ZCWPW2: variants seen among roughly 807,000 people sequenced by gnomAD.
The protein encoded by ZCWPW2 is zinc finger CW-type PWWP domain protein 2.
In ZCWPW2, 45 loss-of-function variants were observed where a neutral mutation model predicts 46.6. That is an observed-to-expected ratio of 0.96 (90% CI 0.76 to 1.24). The LOEUF is 1.24. Ranked by LOEUF, ZCWPW2 falls within the 50% of genes most tolerant of loss-of-function variation. ZCWPW2 has a pLI of 0.00. For missense variants in ZCWPW2, 429 were observed against 403.9 expected (o/e 1.06, Z -0.53); for synonymous variants, 152 against 137.1 (o/e 1.11, Z -0.76).
At chr3:28,360,943 A>G (rs1327677104) in intron 1 of ZCWPW2, among the ~76,000 whole-genome samples, 1 of 152,176 alleles carries the variant, frequency 6.6e-6, no homozygotes, top group Non-Finnish European at 1.5e-5. Flanking sequence ...CAGGAAAGTT[A>G]TTTATGTTTC....
chr3:28,353,231 A>G (rs1428095097), intron 1 of ZCWPW2, among the ~76,000 whole-genome samples: 4 of 152,192 alleles, frequency 2.6e-5, no homozygotes, highest in East Asian at 3.9e-4. Flanking sequence ...ATAATTTGTT[A>G]TATGTTTAAT....
intron 2 of ZCWPW2, among the ~76,000 whole-genome samples, chr3:28,397,190 T>G (rs1226580628): frequency 6.6e-6 from 1 of 152,180 alleles, no homozygotes; most frequent in Non-Finnish European, 1.5e-5. Flanking sequence ...TTTACCTTTT[T>G]GGGTACATCA....
At chr3:28,467,539 G>C (rs1698873225) in intron 4 of ZCWPW2, among the ~76,000 whole-genome samples, 1 of 152,178 alleles carries the variant, frequency 6.6e-6, no homozygotes, top group Non-Finnish European at 1.5e-5. Flanking sequence ...CCTTGGGTGA[G>C]ACCCAGTACT....
In ZCWPW2 at chr3:28,417,207, C is replaced by G. The variant is rs1164092834; in HGVS notation, c.332+3807C>G. 4.6e-5 allele frequency among the ~76,000 whole-genome samples: 7 copies of G among 152,054 alleles called. 1 individual carries two copies. Among genetic ancestry groups the G allele is most frequent in the Admixed American group, 4.6e-4 (7 of 15,240 alleles). ...TATCACCACTGATCCCACAGAAATA[C>G]AAACTACCATCAGAGAATACTATAA... On this transcript the variant is annotated intron_variant, in intron 3 of 9. Coordinates refer to ENST00000383768, the MANE Select transcript of ZCWPW2 (RefSeq NM_001040432.4).
At chr3:28,389,958 A>T (rs1695421252) in intron 1 of ZCWPW2, among the ~76,000 whole-genome samples, 1 of 152,250 alleles carries the variant, frequency 6.6e-6, no homozygotes, top group Non-Finnish European at 1.5e-5. Flanking sequence ...CTCAAAGTTC[A>T]TCAATTTTAG....
intron 4 of ZCWPW2, among the ~76,000 whole-genome samples, chr3:28,439,307 A>C (rs1315259632): frequency 6.6e-6 from 1 of 152,032 alleles, no homozygotes; most frequent in Non-Finnish European, 1.5e-5. Context: ...AAGGGCAGGA[A>C]GCATCCAGCA....
rs534874293 is a variant in ZCWPW2, at chr3:28,386,709, G to T, written c.-133-3789G>T. Among the ~76,000 whole-genome samples the T allele has an allele frequency of 2.6e-5, 4 of 152,076 alleles. 1 individual carries two copies. Among genetic ancestry groups the T allele is most frequent in the African/African-American group, 7.2e-5 (3 of 41,492 alleles). On this transcript the variant is annotated intron_variant, in intron 1 of 9. Coordinates refer to ENST00000383768, the MANE Select transcript of ZCWPW2 (RefSeq NM_001040432.4). ...TATATTTCTATTTTTATGAGTTAAGGTTATATGATTATAGATATTCTAAAA... is the reference window on the plus strand; with the variant it reads ...TATATTTCTATTTTTATGAGTTAAGTTTATATGATTATAGATATTCTAAAA...
At chr3:28,424,090 T>C (rs1696906310) in intron 3 of ZCWPW2, among the ~76,000 whole-genome samples, 1 of 152,086 alleles carries the variant, frequency 6.6e-6, no homozygotes, top group Non-Finnish European at 1.5e-5. Flanking sequence ...CCTTACTATT[T>C]TACATTGCGT....
intron 1 of ZCWPW2, among the ~76,000 whole-genome samples, chr3:28,375,525 G>A (rs901608269): frequency 1.3e-5 from 2 of 151,804 alleles, no homozygotes; most frequent in African/African-American, 2.4e-5. Flanking sequence ...GGGTACATAG[G>A]TATATATATT....
rs1700820314 is a variant in ZCWPW2 at position 28,525,291 on chromosome 3, T to C, written c.*603T>C. On this transcript the variant is annotated 3_prime_UTR_variant, in exon 10 of 10. Transcript: ENST00000383768. ...TTGGAAGATCAAAATCCTGGACCCT[T>C]CCCTGCTGAATCAGTGTCTTTGGAG... 6.6e-6 allele frequency: 1 copy of C among 152,184 alleles called. No homozygotes were observed. Among genetic ancestry groups the C allele is most frequent in the Non-Finnish European group, 1.5e-5 (1 of 68,070 alleles). 9.4% of individuals were successfully genotyped at this position (152,184 alleles called of 1,614,324 possible).
intron 3 of ZCWPW2, 134 bp downstream of exon 3, chr3:28,413,534 T>G (rs1696494013): frequency 1.3e-6 from 1 of 763,892 alleles, no homozygotes; most frequent in Non-Finnish European, 2.0e-6. Flanking sequence ...TTTTCCATAC[T>G]TCTTTGGATT....
chr3:28,472,550 C>T (rs750412554), intron 4 of ZCWPW2, among the ~76,000 whole-genome samples: 10 of 152,066 alleles, frequency 6.6e-5, no homozygotes, highest in Non-Finnish European at 1.5e-4. Context: ...CCCTATCTCT[C>T]GCCATAAATG....
chr3:28,436,041 CATT>C (rs1697476271), intron 4 of ZCWPW2, among the ~76,000 whole-genome samples: 1 of 152,062 alleles, frequency 6.6e-6, no homozygotes, highest in Non-Finnish European at 1.5e-5. Context: ...TTAAATCTCA[CATT>C]ATAATTAATA....
intron 2 of ZCWPW2, among the ~76,000 whole-genome samples, chr3:28,392,778 A>G (rs1265753033): frequency 3.9e-5 from 6 of 152,122 alleles, no homozygotes; most frequent in African/African-American, 9.6e-5. Flanking sequence ...AAAAGATATC[A>G]TACCAAAACT....
At chr3:28,492,085 A>T (rs765542391) in intron 5 of ZCWPW2, 42 bp from the exon 6 acceptor site, 3 of 1,593,696 alleles carry the variant, frequency 1.9e-6, no homozygotes, top group East Asian at 2.3e-5. Context: ...GAACAGGAAC[A>T]TAGGCACTTT....
chr3:28,406,299 A>G (rs73825153), intron 2 of ZCWPW2, among the ~76,000 whole-genome samples: 3,995 of 152,250 alleles, frequency 0.026, 155 homozygotes, highest in African/African-American at 0.085. Flanking sequence ...TGATAAAGAA[A>G]TTGGCAATCT....
chr3:28,500,985 T>G (rs985553488), intron 6 of ZCWPW2, among the ~76,000 whole-genome samples: 6 of 151,600 alleles, frequency 4.0e-5, no homozygotes, highest in Admixed American at 2.0e-4. Flanking sequence ...TAGGCCAGTG[T>G]TCCCCAGACT....
chr3:28,447,155 T>C (rs1200058909), intron 4 of ZCWPW2, among the ~76,000 whole-genome samples: 1 of 152,144 alleles, frequency 6.6e-6, no homozygotes, highest in Non-Finnish European at 1.5e-5. Context: ...TAACTCATTC[T>C]ATAAGGCCAG....
intron 4 of ZCWPW2, among the ~76,000 whole-genome samples, chr3:28,439,783 A>G (rs1697672407): frequency 6.6e-6 from 1 of 152,242 alleles, no homozygotes; most frequent in Non-Finnish European, 1.5e-5. Flanking sequence ...AGGAAAAAGG[A>G]AATAAAATGA....
Sources: allele counts gnomAD v4.1 joint callset (sites outside exome capture counted in the v4.1 genomes callset), GRCh38; gene constraint gnomAD v4.1.1; transcripts MANE v1.5; gene names NCBI Gene and HGNC (gene_info 2026-07-23, HGNC 2026-07-21).